MGAT4A: variants seen among roughly 807,000 people sequenced by gnomAD.
MGAT4A encodes alpha-1,3-mannosyl-glycoprotein 4-beta-N-acetylglucosaminyltransferase A.
In MGAT4A, 33 loss-of-function variants were observed where a neutral mutation model predicts 74.1. The ratio of observed to expected loss-of-function variants is 0.45; its 90% CI spans 0.34 to 0.60. The LOEUF (loss-of-function observed/expected upper bound fraction) is 0.60, where lower values mean the gene tolerates loss of function less well. Among genes scored for constraint, MGAT4A ranks in the 20% least tolerant of loss-of-function variants. The pLI, the probability that MGAT4A is intolerant of heterozygous loss-of-function variation, is 0.02. For missense variants in MGAT4A, 479 were observed against 628.3 expected (o/e 0.76, Z 2.54); for synonymous variants, 198 against 210.4 (o/e 0.94, Z 0.51).
intron 2 of MGAT4A, among the ~76,000 whole-genome samples, chr2:98,721,676 C>T (rs1277450883): frequency 1.3e-5 from 2 of 151,968 alleles, no homozygotes; most frequent in African/African-American, 4.8e-5. Context: ...AGCAACACTC[C>T]TATATATTAC....
At chr2:98,626,699 T>TA (rs1280673691) in intron 14 of MGAT4A, among the ~76,000 whole-genome samples, 1 of 152,188 alleles carries the variant, frequency 6.6e-6, no homozygotes, top group Non-Finnish European at 1.5e-5. Context: ...ACAATATATA[T>TA]TTTTTGGTAA....
intron 5 of MGAT4A, among the ~76,000 whole-genome samples, chr2:98,661,734 T>C (rs1323978375): frequency 2.0e-5 from 3 of 152,158 alleles, no homozygotes; most frequent in African/African-American, 7.2e-5. Context: ...CCCATTTAGT[T>C]AAAAACATGT....
intron 4 of MGAT4A, among the ~76,000 whole-genome samples, chr2:98,669,049 G>A (rs772032853): frequency 1.3e-5 from 2 of 152,180 alleles, no homozygotes; most frequent in African/African-American, 2.4e-5. Context: ...CAGATGAGAC[G>A]TTGGACTGTG....
intron 4 of MGAT4A, 64 bp from the exon 5 acceptor site, chr2:98,663,243 A>G: frequency 6.6e-7 from 1 of 1,524,362 alleles, no homozygotes; most frequent in Non-Finnish European, 8.9e-7. Context: ...AAACACTTCT[A>G]TTTCAAAAGT....
chr2:98,701,715 A>G (rs969347481), intron 2 of MGAT4A, among the ~76,000 whole-genome samples: 2 of 152,228 alleles, frequency 1.3e-5, no homozygotes, highest in African/African-American at 4.8e-5. Context: ...AAGGCTGCTG[A>G]CCAATTTGGC....
chr2:98,724,461 T>C (rs1478163191), intron 2 of MGAT4A, among the ~76,000 whole-genome samples: 1 of 152,210 alleles, frequency 6.6e-6, no homozygotes, highest in Non-Finnish European at 1.5e-5. Context: ...GAAACCTGTG[T>C]TGATACCTGG....
At chr2:98,646,732 T>C (rs1701491120) in intron 8 of MGAT4A, among the ~76,000 whole-genome samples, 1 of 152,208 alleles carries the variant, frequency 6.6e-6, no homozygotes, top group Non-Finnish European at 1.5e-5. Context: ...ATAAGAATAA[T>C]GATTGCAATG....
At chr2:98,720,250 C>T (rs1702648300) in intron 2 of MGAT4A, among the ~76,000 whole-genome samples, 1 of 152,176 alleles carries the variant, frequency 6.6e-6, no homozygotes, top group Non-Finnish European at 1.5e-5. Flanking sequence ...GAAGGTATTT[C>T]TAGATGAGAT....
At chr2:98,649,754 C>A (rs550507358) in intron 8 of MGAT4A, among the ~76,000 whole-genome samples, 29 of 152,252 alleles carry the variant, frequency 1.9e-4, no homozygotes, top group Middle Eastern at 6.8e-3. Context: ...GCTCAAAGGG[C>A]TCCAGAGTCT....
At chr2:98,641,384 A>G (rs1388028615) in intron 10 of MGAT4A, among the ~76,000 whole-genome samples, 2 of 150,232 alleles carry the variant, frequency 1.3e-5, no homozygotes, top group East Asian at 2.0e-4. Context: ...GGCCAGGCGC[A>G]GTGGCTCACG....
rs565402761 is a variant in MGAT4A, at chr2:98,645,293, CTAACT to C, written c.889+130_889+134del. On this transcript the variant is annotated intron_variant, in intron 9 of 15. Coordinates refer to ENST00000393487, the MANE Select transcript of MGAT4A (RefSeq NM_012214.3). ...CATCATGTCATACAAAGAGGTTTAC[CTAACT>C]TAAGTTTTCTCTAAAACAACCCATT... 2.2e-4 allele frequency: 129 copies of C among 584,196 alleles called. No individual in the cohort carries two copies. In the South Asian group the frequency reaches 3.4e-3, roughly 15 times the overall value. The allele number at this position is 584,196 out of a possible 1,614,324, so 36.2% of individuals were successfully genotyped here.
intron 1 of MGAT4A, chr2:98,730,180 G>A (rs1372574099): frequency 6.6e-6 from 1 of 152,248 alleles, no homozygotes; most frequent in Non-Finnish European, 1.5e-5. Flanking sequence ...TACGTGGAAA[G>A]CATTCAAAGC....
Position 98,727,310 on chromosome 2 carries a change from A to G in MGAT4A, c.-235-743T>C, listed in dbSNP as rs544820207. On this transcript the variant is annotated intron_variant, in intron 1 of 15. Transcript: ENST00000393487. ...TCACTCTGCATTGCTTTAAATCAAGAAATCTGGGAAATCACCACTGATCGA... is the reference window on the plus strand; with the variant it reads ...TCACTCTGCATTGCTTTAAATCAAGGAATCTGGGAAATCACCACTGATCGA... Among the ~76,000 whole-genome samples, 3 of 152,350 alleles carry G rather than the reference A, an allele frequency of 2.0e-5. No homozygotes were observed. The East Asian group carries it at 5.8e-4, about 29-fold the overall frequency.
chr2:98,703,669 TG>T (rs1174660965), intron 2 of MGAT4A, among the ~76,000 whole-genome samples: 1 of 152,056 alleles, frequency 6.6e-6, no homozygotes, highest in Non-Finnish European at 1.5e-5. Flanking sequence ...CAGTGTGACC[TG>T]GCCCCTGCTT....
intron 5 of MGAT4A, 119 bp from the exon 6 acceptor site, chr2:98,658,383 T>G (rs1288007242): frequency 5.0e-6 from 3 of 598,560 alleles, no homozygotes; most frequent in Non-Finnish European, 8.6e-6. Flanking sequence ...CATTAAATTT[T>G]TAGACAATTT....
intron 4 of MGAT4A, among the ~76,000 whole-genome samples, chr2:98,673,559 T>C (rs1292122081): frequency 6.6e-6 from 1 of 152,164 alleles, no homozygotes; most frequent in Non-Finnish European, 1.5e-5. Context: ...TAGTAGCAGC[T>C]TTATAAGAAT....
chr2:98,638,837 T>A (rs1438913306), intron 12 of MGAT4A, among the ~76,000 whole-genome samples: 1 of 152,222 alleles, frequency 6.6e-6, no homozygotes, highest in East Asian at 1.9e-4. Context: ...CTGAAAATGA[T>A]TTCTGGTGGA....
intron 2 of MGAT4A, among the ~76,000 whole-genome samples, chr2:98,710,411 T>C (rs1174014524): frequency 6.6e-6 from 1 of 152,182 alleles, no homozygotes; most frequent in Non-Finnish European, 1.5e-5. Flanking sequence ...AAAGTTGAAA[T>C]GCAAAAATTT....
intron 4 of MGAT4A, among the ~76,000 whole-genome samples, chr2:98,667,690 T>G (rs1322182702): frequency 6.7e-6 from 1 of 148,882 alleles, no homozygotes; most frequent in Non-Finnish European, 1.5e-5. Flanking sequence ...TTAAAGGCAT[T>G]CAGTTTTTGT....
Sources: gnomAD v4.1 joint callset for allele counts (sites outside exome capture counted in the v4.1 genomes callset) on GRCh38, gnomAD v4.1.1 for gene constraint, MANE v1.5 for transcripts, NCBI Gene and HGNC (gene_info 2026-07-23, HGNC 2026-07-21) for gene names.